Variants in EHMT1 observed in about 807,000 individuals in gnomAD.
The protein encoded by EHMT1 is histone-lysine N-methyltransferase EHMT1.
EHMT1 carries 15 observed loss-of-function variants against 147.2 expected under a neutral mutation model. The ratio of observed to expected loss-of-function variants is 0.10; its 90% CI spans 0.07 to 0.16. EHMT1 has a LOEUF of 0.16. EHMT1 is among the 10% of genes least tolerant of loss of function. The pLI, the probability that EHMT1 is intolerant of heterozygous loss-of-function variation, is 1.00. For synonymous variants in EHMT1, 795 were observed against 709.6 expected (o/e 1.12, Z -1.91); for missense variants, 1,587 against 1,772.4 (o/e 0.90, Z 1.88).
At chr9:137,755,559 A>T (rs1949319377) in intron 8 of EHMT1, among the ~76,000 whole-genome samples, 1 of 152,212 alleles carries the variant, frequency 6.6e-6, no homozygotes, top group Non-Finnish European at 1.5e-5. Flanking sequence ...TCTTTTTTGA[A>T]CAGGTGCTTC....
In EHMT1 at chr9:137,775,296, G is replaced by T; in HGVS notation, c.1791+44G>T. Reference sequence around the variant, plus strand: ...AGCCTCTGAGTCCTCCGCAGGCTTTGCTGTCTGCTCACTGGTGCTGGTTCC... The same window carrying T: ...AGCCTCTGAGTCCTCCGCAGGCTTTTCTGTCTGCTCACTGGTGCTGGTTCC... On this transcript the variant is annotated intron_variant, in intron 11 of 26. Transcript: ENST00000460843. The surrounding 1 kb of genome is among the most constrained non-coding windows in gnomAD (Gnocchi z 6.1). 1.3e-6 allele frequency: 2 copies of T among 1,599,888 alleles called. No homozygotes were observed. Among genetic ancestry groups the T allele is most frequent in the South Asian group, 1.1e-5 (1 of 90,604 alleles).
intron 24 of EHMT1, 132 bp from the exon 25 acceptor site, chr9:137,817,928 T>G: frequency 2.2e-6 from 2 of 893,056 alleles, no homozygotes; most frequent in Non-Finnish European, 1.9e-6. Flanking sequence ...GGCACACCTC[T>G]CTAAACATGT....
intron 1 of EHMT1, among the ~76,000 whole-genome samples, chr9:137,659,637 T>C (rs1256885354): frequency 6.6e-6 from 1 of 151,724 alleles, no homozygotes; most frequent in East Asian, 1.9e-4. Flanking sequence ...ACTGCGGCCT[T>C]GACCTCCCTT....
Position 137,716,611 on chromosome 9 carries a change from T to G in EHMT1, c.86-15T>G, listed in dbSNP as rs1945330868. 6.5e-7 allele frequency: 1 copy of G among 1,543,424 alleles called. No individual in the cohort carries two copies. Among genetic ancestry groups the G allele is most frequent in the Admixed American group, 1.9e-5 (1 of 52,000 alleles). ...CGTGGCCTGCAGTCAGTGACACTCG[T>G]TTCTTTGTTGGCAGAGACACCTATG... On this transcript the variant is annotated splice_polypyrimidine_tract_variant and intron_variant, in intron 2 of 26. Coordinates refer to ENST00000460843, the MANE Select transcript of EHMT1 (RefSeq NM_024757.5).
At chr9:137,819,912 T>C (rs1955268950) in intron 25 of EHMT1, 1 of 152,168 alleles carries the variant, frequency 6.6e-6, no homozygotes, top group African/African-American at 2.4e-5. Context: ...CCAGCCCTCA[T>C]GTTCCCTTTA....
At chr9:137,621,940 T>G (rs1454484407) in intron 1 of EHMT1, among the ~76,000 whole-genome samples, 1 of 151,906 alleles carries the variant, frequency 6.6e-6, no homozygotes, top group African/African-American at 2.4e-5. Flanking sequence ...TCTCCTGTCT[T>G]TCTTTTTTTT....
At chr9:137,632,228 A>T (rs749801638) in intron 1 of EHMT1, among the ~76,000 whole-genome samples, 2 of 152,162 alleles carry the variant, frequency 1.3e-5, no homozygotes, top group African/African-American at 2.4e-5. Context: ...TGACTTTACC[A>T]TGTAGCTGGT....
In EHMT1 at chr9:137,716,669, A is replaced by G. The variant is rs76684726; in HGVS notation, c.129A>G (p.Ala43=). 6.3e-7 allele frequency: 1 copy of G among 1,598,222 alleles called. No homozygotes were observed. The highest frequency in any genetic ancestry group is 1.7e-5 in the Admixed American group (1 of 59,160). ...AADEGSAEKQ[A]GEAHMAADGE... ...ATGAAGGCTCAGCAGAGAAACAGGC[A>G]GGAGAGGCCCACATGGCTGCGGACG... Residue 43 remains alanine, a synonymous_variant, in exon 3 of 27, where the codon GCA becomes GCG. Coordinates refer to ENST00000460843, the MANE Select transcript of EHMT1 (RefSeq NM_024757.5).
chr9:137,691,269 G>A (rs1483157204), intron 1 of EHMT1, among the ~76,000 whole-genome samples: 11 of 150,894 alleles, frequency 7.3e-5, no homozygotes, highest in Non-Finnish European at 1.5e-5. Flanking sequence ...GGATGTGTCT[G>A]AATTTCCTTC....
rs537120541 is a variant in EHMT1, at chr9:137,642,398, C to T, written c.21+23349C>T. 3.6e-4 allele frequency among the ~76,000 whole-genome samples: 55 copies of T among 151,078 alleles called. 2 individuals carry two copies. Among genetic ancestry groups the T allele is most frequent in the Non-Finnish European group, 8.9e-5 (6 of 67,650 alleles). ...ATAGTGCACCGTGGCCTTGAACTCC[C>T]GGGCTCACAGGATCCTCCCACCTCA... On this transcript the variant is annotated intron_variant, in intron 1 of 26. Transcript: ENST00000460843.
chr9:137,815,816 A>T, intron 22 of EHMT1, 131 bp from the exon 23 acceptor site: 1 of 787,644 alleles, frequency 1.3e-6, no homozygotes, highest in South Asian at 1.5e-5. Flanking sequence ...GTGGGTGTTC[A>T]AGTTTGGCCA....
chr9:137,629,093 A>ATT (rs199719136), intron 1 of EHMT1, among the ~76,000 whole-genome samples: 2 of 129,796 alleles, frequency 1.5e-5, no homozygotes, highest in Non-Finnish European at 1.7e-5. Flanking sequence ...TTGCTTTTGT[A>ATT]TTTTTTTTTT....
chr9:137,626,724 T>G (rs1415038093), intron 1 of EHMT1, among the ~76,000 whole-genome samples: 1 of 152,022 alleles, frequency 6.6e-6, no homozygotes, highest in Non-Finnish European at 1.5e-5. Context: ...CTTGTTTATT[T>G]GTTGCCTTCA....
chr9:137,671,728 G>A (rs994340835), intron 1 of EHMT1, among the ~76,000 whole-genome samples: 1 of 151,966 alleles, frequency 6.6e-6, no homozygotes, highest in African/African-American at 2.4e-5. Context: ...GGGTTTTGCC[G>A]TGTTGCCCAG....
chr9:137,719,140 G>T (rs897884452), intron 3 of EHMT1, among the ~76,000 whole-genome samples: 18 of 152,176 alleles, frequency 1.2e-4, no homozygotes, highest in African/African-American at 4.1e-4. Flanking sequence ...TATAATCTCT[G>T]TTGTAAATTC....
chr9:137,638,632 A>G (rs867490011), intron 1 of EHMT1, among the ~76,000 whole-genome samples: 3 of 152,318 alleles, frequency 2.0e-5, no homozygotes, highest in African/African-American at 4.8e-5. Context: ...CCTAAACCCC[A>G]TACTTCAGAA....
rs762417944 is a variant in EHMT1, at chr9:137,743,902, G to C, written c.982G>C (p.Gly328Arg). The change falls in exon 6 of 27, where the codon GGG (glycine) becomes CGG (arginine). Residue 328 changes from glycine to arginine, a missense_variant and splice_region_variant. Around this residue, in one of 7 missense-constraint regions of EHMT1, gnomAD observed 810 missense variants for 673.0 expected, o/e 1.20. Transcript: ENST00000460843. ...GGGTATACACCTGCCCGTGTTCTAGGGGGAGAAGGACCTGGGCGCCAGCAG... is the reference window on the plus strand; with the variant it reads ...GGGTATACACCTGCCCGTGTTCTAGCGGGAGAAGGACCTGGGCGCCAGCAG... Reference protein sequence around the residue: ...SITHSTVGSKGEKDLGASSLH... With the variant: ...SITHSTVGSKREKDLGASSLH... The C allele has an allele frequency of 8.7e-6, 14 of 1,610,900 alleles. No individual in the cohort carries two copies. The highest frequency in any genetic ancestry group is 8.4e-5 in the Admixed American group (5 of 59,688).
At chr9:137,691,625 T>G (rs1191845161) in intron 1 of EHMT1, among the ~76,000 whole-genome samples, 6 of 152,180 alleles carry the variant, frequency 3.9e-5, no homozygotes, top group Non-Finnish European at 5.9e-5. Context: ...AGACCCTGCT[T>G]TCAATTGCTA....
At chr9:137,829,526 G>A (rs187923033) in intron 25 of EHMT1, among the ~76,000 whole-genome samples, 74 of 152,332 alleles carry the variant, frequency 4.9e-4, no homozygotes, top group African/African-American at 1.6e-3. Context: ...GCTGCCTGAC[G>A]AGATTGAGAT....
Sources: gnomAD v4.1 joint callset for allele counts (sites outside exome capture counted in the v4.1 genomes callset) on GRCh38, gnomAD v4.1.1 for gene constraint, gnomAD v4.1.1 regional missense constraint, Gnocchi (gnomAD v3.1) non-coding constraint, MANE v1.5 for transcripts, NCBI Gene and HGNC (gene_info 2026-07-23, HGNC 2026-07-21) for gene names.